Variants in EIF4G2 observed in about 807,000 individuals in gnomAD.
The protein encoded by EIF4G2 is eukaryotic translation initiation factor 4 gamma 2, also known as DAP-5.
Under a neutral mutation model 117.7 loss-of-function variants are expected in EIF4G2, and 8 were observed. That is an observed-to-expected ratio of 0.07 (90% CI 0.04 to 0.12). The LOEUF (loss-of-function observed/expected upper bound fraction) is 0.12. Among genes scored for constraint, EIF4G2 ranks in the 10% least tolerant of loss-of-function variants. The probability of loss-of-function intolerance (pLI) is 1.00; values close to 1 mark genes in which losing one functional copy is unlikely to be tolerated. For synonymous variants in EIF4G2, 413 were observed against 367.8 expected, an observed-to-expected ratio of 1.12 and a Z score of -1.41; for missense variants, 812 against 1,086.2, an observed-to-expected ratio of 0.75 and a Z score of 3.55.
chr11:10,801,877 G>A, intron 13 of EIF4G2, 103 bp from the exon 14 acceptor site: 2 of 1,242,180 alleles, frequency 1.6e-6, no homozygotes, highest in Non-Finnish European at 2.3e-6. Context: ...TAGTTTAACT[G>A]AATTTGCCCA....
Position 10,797,627 on chromosome 11 carries a change from A to G in EIF4G2, c.*189T>C. 1.6e-6 allele frequency: 1 copy of G among 607,946 alleles called. No individual in the cohort carries two copies. The allele number at this position is 607,946 out of a possible 1,614,324, so 37.7% of individuals were successfully genotyped here. ...ATTAAAGATACTCCTAAAATATTTG[A>G]TGGTAGACTATGATTAAGACATTAC... On this transcript the variant is annotated 3_prime_UTR_variant, in exon 22 of 22. Transcript: ENST00000339995. The surrounding 1 kb of genome is among the most constrained non-coding windows in gnomAD (Gnocchi z 4.5).
rs930741813 is a variant in EIF4G2 at position 10,801,720 on chromosome 11, C to T, written c.1354G>A (p.Gly452Arg). Residue 452 changes from glycine to arginine, a missense_variant, in exon 14 of 22, where the codon GGA becomes AGA. Physicochemically the swap from Gly to Arg is moderately radical, Grantham distance 125. This residue lies in a region of EIF4G2 where 571 missense variants were observed against 642.3 expected (regional missense o/e 0.89). Transcript: ENST00000339995. ...CGAGGTGGCATATCCTTCGACTGTC[C>T]TTGCAGCTGGGATAAGAGTCCCTGA... The T allele has an allele frequency of 1.9e-6, 3 of 1,614,138 alleles. No homozygotes were observed. The highest frequency in any genetic ancestry group is 1.1e-5 in the South Asian group (1 of 91,080).
rs1213982173 is a variant in EIF4G2, at chr11:10,799,999, ACTGT to A, written c.2119+87_2119+90del. ...ATCATTATCTGAGCAGGACAATCAG[ACTGT>A]CTGACCTACATAAATCCACTCAAGG... is the stretch of plus-strand genomic sequence containing the variant. On this transcript the variant is annotated intron_variant, in intron 18 of 21. Coordinates refer to ENST00000339995, the MANE Select transcript of EIF4G2 (RefSeq NM_001418.4). 6.4e-6 allele frequency: 9 copies of A among 1,404,238 alleles called. No individual in the cohort carries two copies. In the East Asian group the frequency reaches 1.4e-4, roughly 21 times the overall value. The allele number at this position is 1,404,238 out of a possible 1,614,324, so 87.0% of individuals were successfully genotyped here. A position where few individuals can be genotyped will look rare whatever the true frequency, so the allele number is the denominator to read the frequency against.
chr11:10,802,535 C>T (rs1002670891), intron 11 of EIF4G2, 100 bp from the exon 12 acceptor site: 1 of 1,391,208 alleles, frequency 7.2e-7, no homozygotes, highest in Non-Finnish European at 9.6e-7. Context: ...AATATTAAAC[C>T]ATAATTTATG....
intron 1 of EIF4G2, chr11:10,808,387 G>T: frequency 8.0e-7 from 1 of 1,244,958 alleles, no homozygotes; most frequent in Non-Finnish European, 1.0e-6. Flanking sequence ...CTAGCGGTCC[G>T]AGCCACGCTC....
Position 10,808,694 on chromosome 11 carries a change from G to GCTCAA in EIF4G2, c.-87+6_-87+10dup, listed in dbSNP as rs1245646401. On this transcript the variant is annotated intron_variant, in intron 1 of 21. Transcript: ENST00000339995. ...AGCGCTCCACTCGGCGGCGGCAGCG[G>GCTCAA]CTCAACTCACCTTCACCGAGAACTC... is the stretch of plus-strand genomic sequence containing the variant. 1 of 207,860 alleles carries GCTCAA rather than the reference G, an allele frequency of 4.8e-6. No individual in the cohort carries two copies. The highest frequency in any genetic ancestry group is 6.5e-5 in the Admixed American group (1 of 15,440). The allele number at this position is 207,860 out of a possible 1,614,324, so 12.9% of individuals were successfully genotyped here. A position where few individuals can be genotyped will look rare whatever the true frequency, so the allele number is the denominator to read the frequency against.
At position 10,807,362 on chromosome 11, in the gene EIF4G2, G is replaced by A. The variant is rs749431505; in HGVS notation, c.-67C>T. 9 of 1,605,452 alleles carry A rather than the reference G, an allele frequency of 5.6e-6. No individual in the cohort carries two copies. Among genetic ancestry groups the A allele is most frequent in the South Asian group, 2.2e-5 (2 of 89,996 alleles). ...TAATAGATGGGGTGGGGAGGGGAGG[G>A]GACAGGAGAAATGAAATACCTGGAA... is the stretch of plus-strand genomic sequence containing the variant. On this transcript the variant is annotated 5_prime_UTR_variant, in exon 2 of 22. Transcript: ENST00000339995.
At chr11:10,802,937 A>AC (rs1847469684) in intron 11 of EIF4G2, 93 bp downstream of exon 11, 1 of 1,039,100 alleles carries the variant, frequency 9.6e-7, no homozygotes, top group Non-Finnish European at 1.4e-6. Context: ...GATGAGACAG[A>AC]CCCCTCAAGC....
chr11:10,802,940 C>A (rs1443367378), intron 11 of EIF4G2, 90 bp downstream of exon 11: 3 of 1,084,670 alleles, frequency 2.8e-6, no homozygotes, highest in Admixed American at 2.2e-5. Context: ...GAGACAGACC[C>A]CTCAAGCGTT....
chr11:10,807,167 G>C, intron 2 of EIF4G2, 88 bp downstream of exon 2: 1 of 1,510,860 alleles, frequency 6.6e-7, no homozygotes, highest in Non-Finnish European at 8.9e-7. Flanking sequence ...GAAAATTGCA[G>C]CCCATTAAGT....
chr11:10,799,949 A>G (rs1421900475), intron 18 of EIF4G2, 141 bp downstream of exon 18: 16 of 1,160,978 alleles, frequency 1.4e-5, no homozygotes, highest in Non-Finnish European at 1.9e-5. Context: ...ATCTCTCTTT[A>G]TAGGTGAGAT....
intron 4 of EIF4G2, 28 bp from the exon 5 acceptor site, chr11:10,805,043 T>C (rs760240269): frequency 6.6e-7 from 1 of 1,525,402 alleles, no homozygotes; most frequent in Non-Finnish European, 9.1e-7. Context: ...ACATTTTAAG[T>C]GTTAGCTAAT....
At chr11:10,801,861 TAA>T (rs2135411387) in intron 13 of EIF4G2, 87 bp from the exon 14 acceptor site, 1 of 1,335,488 alleles carries the variant, frequency 7.5e-7, no homozygotes, top group Non-Finnish European at 1.0e-6. Context: ...AGCCAAGCCA[TAA>T]AGTTAGTTTA....
intron 11 of EIF4G2, 72 bp from the exon 12 acceptor site, chr11:10,802,507 C>G: frequency 1.4e-6 from 2 of 1,460,438 alleles, no homozygotes; most frequent in Non-Finnish European, 1.8e-6. Context: ...ATTCTTGCAA[C>G]TAGGGGGGGA....
At chr11:10,808,193 CTGCTGACAA>C (rs993476431) in intron 1 of EIF4G2, 1 of 1,125,344 alleles carries the variant, frequency 8.9e-7, no homozygotes. Flanking sequence ...ACGGCCTCCT[CTGCTGACAA>C]AAGGGGCAGA....
chr11:10,801,531 A>C, intron 14 of EIF4G2, 130 bp downstream of exon 14: 2 of 881,842 alleles, frequency 2.3e-6, no homozygotes, highest in Non-Finnish European at 3.8e-6. Flanking sequence ...AAAAAGAAGT[A>C]TAGAAAAGAG....
At chr11:10,808,389 G>A (rs1197313632) in intron 1 of EIF4G2, 3 of 1,247,250 alleles carry the variant, frequency 2.4e-6, no homozygotes, top group Non-Finnish European at 2.1e-6. Context: ...AGCGGTCCGA[G>A]CCACGCTCCC....
chr11:10,808,221 C>A (rs912777913), intron 1 of EIF4G2: 14 of 1,138,332 alleles, frequency 1.2e-5, no homozygotes, highest in Non-Finnish European at 1.3e-5. Context: ...GAAATCATCA[C>A]TCTCTCTTTC....
intron 11 of EIF4G2, 52 bp from the exon 12 acceptor site, chr11:10,802,487 T>TA (rs771603369): frequency 2.0e-6 from 3 of 1,484,468 alleles, no homozygotes; most frequent in Non-Finnish European, 1.8e-6. Flanking sequence ...CTATTTCACT[T>TA]AAAACTAAAA....
Sources: gnomAD v4.1 joint callset for allele counts on GRCh38, gnomAD v4.1.1 for gene constraint, gnomAD v4.1.1 regional missense constraint, Gnocchi (gnomAD v3.1) non-coding constraint, MANE v1.5 for transcripts, NCBI Gene and HGNC (gene_info 2026-07-23, HGNC 2026-07-21) for gene names.